The following ESYT2 variants were observed in gnomAD, a reference collection of about 807,000 sequenced individuals.
ESYT2 encodes extended synaptotagmin-2.
A neutral mutation model predicts 107.2 loss-of-function variants in ESYT2; 54 were observed. The ratio of observed to expected loss-of-function variants is 0.50; its 90% CI spans 0.40 to 0.63. ESYT2 has a LOEUF of 0.63. ESYT2 is among the 30% of genes least tolerant of loss of function. ESYT2 has a pLI of 0.00. For missense variants in ESYT2, 1,020 were observed against 1,094.5 expected (o/e 0.93, Z 0.96); for synonymous variants, 491 against 434.1 (o/e 1.13, Z -1.63).
intron 3 of ESYT2, among the ~76,000 whole-genome samples, chr7:158,797,595 C>T (rs940550578): frequency 6.6e-6 from 1 of 152,028 alleles, no homozygotes; most frequent in African/African-American, 2.4e-5. Flanking sequence ...GTGGCTCACA[C>T]CTGTAGTCCC....
rs1365517505 is a variant in ESYT2 at position 158,763,993 on chromosome 7, T to C, written c.1101+684A>G. Reference sequence around the variant, plus strand: ...GTACGACTGTTCTGAAGGGTAATTCTACACATACGTCAGTCCTTTAAAAAC... The same window carrying C: ...GTACGACTGTTCTGAAGGGTAATTCCACACATACGTCAGTCCTTTAAAAAC... On this transcript the variant is annotated intron_variant, in intron 9 of 22. Transcript: ENST00000275418. 3.3e-5 allele frequency among the ~76,000 whole-genome samples: 5 copies of C among 152,192 alleles called. No homozygotes were observed. The East Asian group carries it at 5.8e-4, about 18-fold the overall frequency.
intron 17 of ESYT2, 75 bp from the exon 18 acceptor site, chr7:158,741,971 G>T: frequency 6.9e-7 from 1 of 1,443,332 alleles, no homozygotes; most frequent in Non-Finnish European, 9.2e-7. Flanking sequence ...AGCCTGGGAT[G>T]TCTTTACCTG....
rs1458869229 is a variant in ESYT2 at position 158,764,811 on chromosome 7, C to T, written c.967G>A (p.Gly323Arg). The T allele has an allele frequency of 1.2e-6, 2 of 1,614,130 alleles. No homozygotes were observed. Among genetic ancestry groups the T allele is most frequent in the Non-Finnish European group, 1.7e-6 (2 of 1,180,014 alleles). Residue 323 changes from glycine (G) to arginine (R), a missense_variant, in exon 9 of 23, where the codon GGG becomes AGG. Coordinates refer to ENST00000275418, the MANE Select transcript of ESYT2 (RefSeq NM_001367773.1). ...AGTCCCTTAAGGTAAGTGTCTTTCC[C>T]CTGAAGATCCTGAGCTTCAATAAAA... ...IHFIEAQDLQGKDTYLKGLVK... is the reference protein window; with the variant it reads ...IHFIEAQDLQRKDTYLKGLVK...
In ESYT2 at chr7:158,773,405, A is replaced by T. The variant is rs761236729; in HGVS notation, c.748-9T>A. 6.2e-7 allele frequency: 1 copy of T among 1,614,002 alleles called. No homozygotes were observed. The highest frequency in any genetic ancestry group is 1.7e-5 in the Admixed American group (1 of 60,012). ...CAGTTAATTTCTAAAAGCTGTTTTA[A>T]AACAAGGGCAAAATATTAAGTTCCA... On this transcript the variant is annotated splice_polypyrimidine_tract_variant and intron_variant, in intron 6 of 22. Coordinates refer to ENST00000275418, the MANE Select transcript of ESYT2 (RefSeq NM_001367773.1).
intron 13 of ESYT2, among the ~76,000 whole-genome samples, chr7:158,755,541 T>A (rs1021816579): frequency 1.3e-5 from 2 of 152,190 alleles, no homozygotes; most frequent in Non-Finnish European, 2.9e-5. Flanking sequence ...AGGGGAGCTA[T>A]CTAGTCAGAT....
chr7:158,796,449 TTTTG>T (rs1277867281), intron 3 of ESYT2, among the ~76,000 whole-genome samples: 2 of 152,180 alleles, frequency 1.3e-5, no homozygotes, highest in Non-Finnish European at 2.9e-5. Context: ...TCATTAGTAG[TTTTG>T]TTTTTTAACA....
At chr7:158,823,014 C>A (rs1584891263) in intron 1 of ESYT2, among the ~76,000 whole-genome samples, 1 of 151,654 alleles carries the variant, frequency 6.6e-6, no homozygotes, top group African/African-American at 2.4e-5. Context: ...AAATTCAGGC[C>A]AGGCATGGTG....
chr7:158,825,292 CAAAAAT>C (rs1285791669), intron 1 of ESYT2, among the ~76,000 whole-genome samples: 3 of 152,042 alleles, frequency 2.0e-5, no homozygotes, highest in Non-Finnish European at 4.4e-5. Context: ...GACTCCGTCT[CAAAAAT>C]AAATAAATAA....
chr7:158,773,293 C>A, intron 7 of ESYT2, 48 bp downstream of exon 7: 1 of 1,606,072 alleles, frequency 6.2e-7, no homozygotes, highest in Non-Finnish European at 8.5e-7. Flanking sequence ...CCAAAATGCA[C>A]AACACGCCCT....
chr7:158,736,400 A>C (rs1346606643), intron 20 of ESYT2, among the ~76,000 whole-genome samples: 4 of 152,226 alleles, frequency 2.6e-5, no homozygotes, highest in Admixed American at 2.6e-4. Context: ...TGGGTTTTGA[A>C]GCACTAGGGG....
At chr7:158,742,028 G>A in intron 17 of ESYT2, 132 bp from the exon 18 acceptor site, 1 of 983,822 alleles carries the variant, frequency 1.0e-6, no homozygotes, top group East Asian at 2.6e-5. Flanking sequence ...TTTTTTTAAA[G>A]GAAAGTTTAG....
rs566451057 is a variant in ESYT2, at chr7:158,764,671, C to T, written c.1101+6G>A. The stretch of plus-strand genomic sequence containing the variant: ...CCCCAGCAACACAGCAGACACGACA[C>T]CCCACCTCATAGACTTCATTCCACT... On this transcript the variant is annotated splice_donor_region_variant and intron_variant, in intron 9 of 22. Transcript: ENST00000275418. The T allele has an allele frequency of 9.3e-6, 15 of 1,613,354 alleles. No homozygotes were observed. The East Asian group carries it at 3.1e-4, about 34-fold the overall frequency.
intron 1 of ESYT2, among the ~76,000 whole-genome samples, chr7:158,818,084 C>T (rs1840194951): frequency 6.6e-6 from 1 of 152,120 alleles, no homozygotes. Context: ...TACAACTGAC[C>T]CCGAAATAGG....
chr7:158,789,823 T>C (rs560956064), intron 4 of ESYT2, among the ~76,000 whole-genome samples: 28 of 152,304 alleles, frequency 1.8e-4, no homozygotes, highest in Admixed American at 7.2e-4. Flanking sequence ...CAGCTAACCA[T>C]GAAACCAGAC....
At chr7:158,820,654 C>T (rs13246292) in intron 1 of ESYT2, among the ~76,000 whole-genome samples, 16,469 of 152,010 alleles carry the variant, frequency 0.11, 932 homozygotes, top group African/African-American at 0.13. Flanking sequence ...GACGTGGTGG[C>T]GCATGCCTGT....
At chr7:158,740,301 C>A (rs1381518936) in intron 18 of ESYT2, among the ~76,000 whole-genome samples, 1 of 152,222 alleles carries the variant, frequency 6.6e-6, no homozygotes, top group East Asian at 1.9e-4. Flanking sequence ...CCGGGCCTGT[C>A]AGGCTGGCCA....
intron 6 of ESYT2, among the ~76,000 whole-genome samples, chr7:158,780,697 G>A (rs902794883): frequency 2.0e-5 from 3 of 152,242 alleles, no homozygotes; most frequent in East Asian, 3.8e-4. Context: ...CTGAAGTTCA[G>A]AGAAACTAAT....
chr7:158,774,773 T>C (rs944432491), intron 6 of ESYT2, among the ~76,000 whole-genome samples: 1 of 152,206 alleles, frequency 6.6e-6, no homozygotes, highest in Non-Finnish European at 1.5e-5. Flanking sequence ...GCACAGAATC[T>C]TGCATTTGAC....
intron 20 of ESYT2, among the ~76,000 whole-genome samples, chr7:158,735,813 A>G (rs369770430): frequency 5.7e-4 from 87 of 152,322 alleles, no homozygotes; most frequent in African/African-American, 1.2e-3. Context: ...CACATAAAAG[A>G]AGGCTCTGGC....
Sources: allele counts gnomAD v4.1 joint callset (sites outside exome capture counted in the v4.1 genomes callset), GRCh38; gene constraint gnomAD v4.1.1; transcripts MANE v1.5; gene names NCBI Gene and HGNC (gene_info 2026-07-23, HGNC 2026-07-21).